NCR2: variants seen among roughly 807,000 people sequenced by gnomAD.
NCR2 encodes the protein natural cytotoxicity triggering receptor 2.
In NCR2, 35 loss-of-function variants were observed where a neutral mutation model predicts 30.7. That is an observed-to-expected ratio of 1.14 (90% CI 0.87 to 1.51). The LOEUF (loss-of-function observed/expected upper bound fraction) is 1.51. Among genes scored for constraint, NCR2 ranks in the 40% most tolerant of loss-of-function variants. The pLI, the probability that NCR2 is intolerant of heterozygous loss-of-function variation, is 0.00. For missense variants in NCR2, 316 were observed against 328.9 expected (o/e 0.96, Z 0.30); for synonymous variants, 146 against 134.8 (o/e 1.08, Z -0.58).
chr6:41,342,981 G>T, intron 4 of NCR2: 1 of 1,550,560 alleles, frequency 6.4e-7, no homozygotes. Context: ...CTCAGCCCAG[G>T]CCCCAGGCCC....
Position 41,342,085 on chromosome 6 carries a change from G to C in NCR2, c.580G>C (p.Val194Leu). 1 of 1,613,810 alleles carries C rather than the reference G, an allele frequency of 6.2e-7. No individual in the cohort carries two copies. The change falls in exon 4 of 5, where the codon GTG becomes CTG. Residue 194 changes from valine to leucine, a missense_variant. Coordinates refer to ENST00000373089, the MANE Select transcript of NCR2 (RefSeq NM_004828.4). The part of the protein sequence containing the change: ...RPGPAAPIAL[V>L]PVFCGLLVAK... ...TGGCCCTGCAGCCCCCATTGCCCTGGTGCCTGTGTTCTGTGGACTCCTCGT... is the reference window on the plus strand; with the variant it reads ...TGGCCCTGCAGCCCCCATTGCCCTGCTGCCTGTGTTCTGTGGACTCCTCGT...
At chr6:41,339,734 T>C (rs1769125271) in intron 2 of NCR2, among the ~76,000 whole-genome samples, 1 of 152,200 alleles carries the variant, frequency 6.6e-6, no homozygotes, top group African/African-American at 2.4e-5. Context: ...CCCTTTGCCA[T>C]GGAAGGCAAT....
Position 41,335,914 on chromosome 6 carries a change from T to A in NCR2, c.38T>A (p.Leu13Gln). ...GCCCTACACCCACTGCTACTGCTGC[T>A]GCTGCTGTTCCCAGGTGAGGGGGAG... Reference protein sequence around the residue: ...WRALHPLLLLLLLFPGSQAQS... With the variant: ...WRALHPLLLLQLLFPGSQAQS... Residue 13 changes from leucine to glutamine, a missense_variant, in exon 1 of 5, where the codon CTG (leucine) becomes CAG (glutamine). Physicochemically the swap from Leu to Gln is moderately radical, Grantham distance 113. Transcript: ENST00000373089. 1 of 1,571,818 alleles carries A rather than the reference T, an allele frequency of 6.4e-7. No homozygotes were observed. Among genetic ancestry groups the A allele is most frequent in the African/African-American group, 1.3e-5 (1 of 74,118 alleles).
rs138242578 is a variant in NCR2 at position 41,350,792 on chromosome 6, A to G, written c.759A>G (p.Val253=). The part of the protein sequence containing the change: ...DLPWTSVSSP[V]EREILYHTVA... ...CCTGGACCTCAGTTTCCTCACCTGT[A>G]GAGAGAGAAATATTATATCACACTG... Residue 253 remains valine (V), a synonymous_variant, in exon 5 of 5, where the codon GTA becomes GTG. Transcript: ENST00000373089. 5.8e-5 allele frequency: 80 copies of G among 1,372,218 alleles called. No individual in the cohort carries two copies. Among genetic ancestry groups the G allele is most frequent in the Non-Finnish European group, 7.7e-5 (74 of 959,516 alleles). 85.0% of individuals were successfully genotyped at this position (1,372,218 alleles called of 1,614,324 possible). A position where few individuals can be genotyped will look rare whatever the true frequency, so the allele number is the denominator to read the frequency against.
At position 41,335,683 on chromosome 6, in the gene NCR2, C is replaced by A; in HGVS notation, c.-194C>A. 1 of 651,672 alleles carries A rather than the reference C, an allele frequency of 1.5e-6. No individual in the cohort carries two copies. The highest frequency in any genetic ancestry group is 2.7e-6 in the Non-Finnish European group (1 of 365,730). The allele number at this position is 651,672 out of a possible 1,614,324, so 40.4% of individuals were successfully genotyped here. On this transcript the variant is annotated 5_prime_UTR_variant, in exon 1 of 5. In the 5' UTR this introduces an upstream ATG that the reference lacks. Coordinates refer to ENST00000373089, the MANE Select transcript of NCR2 (RefSeq NM_004828.4). ...CCACCAGACCCAGACTCACCTACAGCTGGAGATCCCCACTTCCCTGTGCCC... is the reference window on the plus strand; with the variant it reads ...CCACCAGACCCAGACTCACCTACAGATGGAGATCCCCACTTCCCTGTGCCC...
intron 4 of NCR2, among the ~76,000 whole-genome samples, chr6:41,344,799 C>T (rs1406777928): frequency 6.6e-6 from 1 of 152,276 alleles, no homozygotes; most frequent in African/African-American, 2.4e-5. Context: ...TTTGCCGCTT[C>T]TCGGCCACCC....
At position 41,336,106 on chromosome 6, in the gene NCR2, G is replaced by A. The variant is rs1182061521; in HGVS notation, c.72G>A (p.Lys24=). Residue 24 remains lysine, a synonymous_variant, in exon 2 of 5, where the codon AAG becomes AAA. Coordinates refer to ENST00000373089, the MANE Select transcript of NCR2 (RefSeq NM_004828.4). ...CTCCAGGCTCTCAGGCACAATCCAA[G>A]GCTCAGGTACTTCAAAGTGTGGCAG... ...LLFPGSQAQS[K]AQVLQSVAGQ... 3 of 1,613,722 alleles carry A rather than the reference G, an allele frequency of 1.9e-6. No homozygotes were observed. In the East Asian group the frequency reaches 6.7e-5, roughly 36 times the overall value.
chr6:41,350,099 C>T (rs1426928997), intron 4 of NCR2, among the ~76,000 whole-genome samples: 5 of 152,184 alleles, frequency 3.3e-5, no homozygotes, highest in South Asian at 2.1e-4. Flanking sequence ...CAAAGAACCC[C>T]CTTCCTTTTT....
At chr6:41,339,998 C>T (rs983046954) in intron 2 of NCR2, among the ~76,000 whole-genome samples, 2 of 152,052 alleles carry the variant, frequency 1.3e-5, no homozygotes, top group African/African-American at 2.4e-5. Flanking sequence ...TAGGTAATCA[C>T]TATTCTACTC....
At chr6:41,337,191 T>TA (rs1387258011) in intron 2 of NCR2, among the ~76,000 whole-genome samples, 9 of 151,816 alleles carry the variant, frequency 5.9e-5, no homozygotes, top group East Asian at 5.8e-4. Context: ...TAAAATACAG[T>TA]AAAAAAAAAT....
intron 2 of NCR2, among the ~76,000 whole-genome samples, chr6:41,336,947 A>G (rs554781099): frequency 1.3e-5 from 2 of 152,290 alleles, no homozygotes; most frequent in African/African-American, 2.4e-5. Flanking sequence ...TTCAGTGCCT[A>G]TAAGTGGAGT....
intron 2 of NCR2, among the ~76,000 whole-genome samples, chr6:41,339,433 T>G (rs1769117623): frequency 2.0e-5 from 3 of 151,904 alleles, no homozygotes; most frequent in Admixed American, 2.0e-4. Context: ...TCACCCAGGC[T>G]GCAGTGCAGT....
intron 2 of NCR2, among the ~76,000 whole-genome samples, chr6:41,336,798 T>C (rs1769044331): frequency 6.6e-6 from 1 of 152,158 alleles, no homozygotes; most frequent in Non-Finnish European, 1.5e-5. Flanking sequence ...CAGTGGTATC[T>C]GGGTAGTCTA....
chr6:41,347,870 C>T (rs536730449), intron 4 of NCR2, among the ~76,000 whole-genome samples: 8 of 152,278 alleles, frequency 5.3e-5, no homozygotes, highest in East Asian at 3.9e-4. Flanking sequence ...GTGCCCAAGA[C>T]GGTGCATCCT....
intron 4 of NCR2, among the ~76,000 whole-genome samples, chr6:41,346,857 G>C (rs630959): frequency 6.6e-6 from 1 of 151,642 alleles, no homozygotes; most frequent in Non-Finnish European, 1.5e-5. Context: ...GGGAGGGACA[G>C]AATGAGAGGA....
intron 4 of NCR2, among the ~76,000 whole-genome samples, chr6:41,344,585 C>T (rs545907911): frequency 1.1e-4 from 16 of 152,338 alleles, no homozygotes; most frequent in African/African-American, 2.2e-4. Context: ...CATTTCTAAA[C>T]GGTCCATTTG....
At chr6:41,345,176 C>T (rs1327658703) in intron 4 of NCR2, among the ~76,000 whole-genome samples, 1 of 152,144 alleles carries the variant, frequency 6.6e-6, no homozygotes, top group Admixed American at 6.5e-5. Flanking sequence ...CTCAGTCTCA[C>T]GGAAGCCAGA....
chr6:41,342,213 A>T, intron 4 of NCR2, 64 bp downstream of exon 4: 1 of 1,584,312 alleles, frequency 6.3e-7, no homozygotes, highest in Non-Finnish European at 8.6e-7. Context: ...CCCAGGATAG[A>T]GGGTCAGAGG....
chr6:41,349,089 T>C (rs1769370721), intron 4 of NCR2, among the ~76,000 whole-genome samples: 1 of 147,326 alleles, frequency 6.8e-6, no homozygotes, highest in South Asian at 2.1e-4. Flanking sequence ...TAATATATTT[T>C]ATAAATTTTT....
Sources: allele counts gnomAD v4.1 joint callset (sites outside exome capture counted in the v4.1 genomes callset), GRCh38; gene constraint gnomAD v4.1.1; transcripts MANE v1.5; gene names NCBI Gene and HGNC (gene_info 2026-07-23, HGNC 2026-07-21).